The following ALK variants were observed in gnomAD, a reference collection of about 807,000 sequenced individuals.
The protein encoded by ALK is ALK tyrosine kinase receptor.
In ALK, 74 loss-of-function variants were observed where a neutral mutation model predicts 163.1. The ratio of observed to expected loss-of-function variants is 0.45; its 90% CI spans 0.38 to 0.55. The LOEUF is 0.55. ALK is among the 20% of genes least tolerant of loss of function. ALK has a pLI of 0.00. For synonymous variants in ALK, 960 were observed against 843.2 expected, an observed-to-expected ratio of 1.14 and a Z score of -2.40; for missense variants, 2,063 against 2,105.3, an observed-to-expected ratio of 0.98 and a Z score of 0.39.
chr2:29,235,692 A>C (rs1655439527), intron 13 of ALK, among the ~76,000 whole-genome samples: 1 of 151,716 alleles, frequency 6.6e-6, no homozygotes, highest in African/African-American at 2.4e-5. Flanking sequence ...TTCAGGGTCC[A>C]ATCTGGGTTC....
At chr2:29,318,831 G>T (rs1415275921) in intron 7 of ALK, among the ~76,000 whole-genome samples, 1 of 152,164 alleles carries the variant, frequency 6.6e-6, no homozygotes, top group Non-Finnish European at 1.5e-5. Context: ...CTCCCAAAGT[G>T]CTGGGATTAC....
chr2:29,259,674 T>G (rs1259727011), intron 11 of ALK, among the ~76,000 whole-genome samples: 1 of 152,162 alleles, frequency 6.6e-6, no homozygotes, highest in Admixed American at 6.5e-5. Flanking sequence ...AAGTAATTTT[T>G]TTCTTTCTAT....
chr2:29,427,466 G>A (rs1573344799), intron 4 of ALK, among the ~76,000 whole-genome samples: 2 of 151,970 alleles, frequency 1.3e-5, no homozygotes, highest in Non-Finnish European at 2.9e-5. Context: ...CTGGAATTAA[G>A]TTAATATAAA....
chr2:29,739,456 G>A (rs1438243136), intron 1 of ALK, among the ~76,000 whole-genome samples: 2 of 151,458 alleles, frequency 1.3e-5, no homozygotes, highest in African/African-American at 4.9e-5. Flanking sequence ...TACTCAGGAG[G>A]CTGAGGCAGG....
intron 1 of ALK, among the ~76,000 whole-genome samples, chr2:29,848,347 C>CT (rs34182049): frequency 0.013 from 1,854 of 139,164 alleles, 47 homozygotes; most frequent in East Asian, 0.13. Context: ...TTCAGGAAGG[C>CT]TTTTTTTTTT....
At chr2:29,232,973 G>A (rs1446814505) in intron 14 of ALK, among the ~76,000 whole-genome samples, 2 of 152,152 alleles carry the variant, frequency 1.3e-5, no homozygotes, top group African/African-American at 2.4e-5. Flanking sequence ...TCCACCTTAG[G>A]GCAGAGAGCT....
intron 1 of ALK, among the ~76,000 whole-genome samples, chr2:29,720,922 G>T (rs1193713012): frequency 6.6e-6 from 1 of 152,116 alleles, no homozygotes; most frequent in Admixed American, 6.5e-5. Flanking sequence ...ATGGGTGAAG[G>T]TATGAATGCA....
At chr2:29,711,232 C>G (rs1210196559) in intron 2 of ALK, among the ~76,000 whole-genome samples, 1 of 152,220 alleles carries the variant, frequency 6.6e-6, no homozygotes, top group East Asian at 1.9e-4. Context: ...CCTCTACAAC[C>G]TTTGCCACAG....
chr2:29,774,378 G>C (rs1206836514), intron 1 of ALK, among the ~76,000 whole-genome samples: 2 of 152,132 alleles, frequency 1.3e-5, no homozygotes, highest in Non-Finnish European at 2.9e-5. Context: ...TTGTTCTCTG[G>C]TTCCCACATA....
At chr2:29,198,814 C>G (rs1358278632) in intron 26 of ALK, among the ~76,000 whole-genome samples, 1 of 152,044 alleles carries the variant, frequency 6.6e-6, no homozygotes, top group Non-Finnish European at 1.5e-5. Flanking sequence ...ATTCATTTCA[C>G]TTTTTTTTCC....
chr2:29,393,178 G>A (rs1428448498), intron 4 of ALK, among the ~76,000 whole-genome samples: 1 of 152,168 alleles, frequency 6.6e-6, no homozygotes, highest in African/African-American at 2.4e-5. Context: ...GTCAGACTCG[G>A]AACATGATAC....
intron 1 of ALK, among the ~76,000 whole-genome samples, chr2:29,751,715 A>T (rs1206010118): frequency 6.6e-6 from 1 of 152,116 alleles, no homozygotes; most frequent in African/African-American, 2.4e-5. Context: ...GGCAGTGACC[A>T]CCTTTCATGA....
intron 8 of ALK, among the ~76,000 whole-genome samples, chr2:29,305,954 G>A (rs960539340): frequency 6.6e-6 from 1 of 152,178 alleles, no homozygotes; most frequent in African/African-American, 2.4e-5. Context: ...TGATCTGACA[G>A]GAGGCAGAGC....
chr2:29,271,675 C>T (rs1238522589), intron 11 of ALK, among the ~76,000 whole-genome samples: 3 of 152,390 alleles, frequency 2.0e-5, no homozygotes, highest in South Asian at 2.1e-4. Flanking sequence ...AATGGCCCCA[C>T]GCCCACGGCT....
chr2:29,652,058 G>C (rs191326260), intron 3 of ALK, among the ~76,000 whole-genome samples: 1 of 152,152 alleles, frequency 6.6e-6, no homozygotes, highest in East Asian at 1.9e-4. Context: ...CTAATACAGA[G>C]AGCTGGTAAA....
At chr2:29,245,879 G>T (rs950781101) in intron 12 of ALK, among the ~76,000 whole-genome samples, 5 of 152,188 alleles carry the variant, frequency 3.3e-5, no homozygotes, top group African/African-American at 9.7e-5. Context: ...GCACACAGTA[G>T]GGCTTCATGG....
At chr2:29,891,574 A>T (rs545174607) in intron 1 of ALK, among the ~76,000 whole-genome samples, 123 of 152,336 alleles carry the variant, frequency 8.1e-4, no homozygotes, top group African/African-American at 2.6e-3. Context: ...TCATTTAAAA[A>T]TGACAAATCT....
At chr2:29,380,272 A>AT (rs1486041987) in intron 5 of ALK, among the ~76,000 whole-genome samples, 1 of 151,402 alleles carries the variant, frequency 6.6e-6, no homozygotes, top group Non-Finnish European at 1.5e-5. Context: ...TGCCCAGCTA[A>AT]TTTTTGTATT....
At chr2:29,203,007 C>T (rs10439519) in intron 26 of ALK, among the ~76,000 whole-genome samples, 42,378 of 151,966 alleles carry the variant, frequency 0.28, 7,122 homozygotes, top group East Asian at 0.73. Context: ...CTCTGGATCC[C>T]CTGGGTTGCT....
Sources: gnomAD v4.1 joint callset for allele counts (sites outside exome capture counted in the v4.1 genomes callset) on GRCh38, gnomAD v4.1.1 for gene constraint, MANE v1.5 for transcripts, NCBI Gene and HGNC (gene_info 2026-07-23, HGNC 2026-07-21) for gene names.